LDLRAD3: variants seen among roughly 807,000 people sequenced by gnomAD.
LDLRAD3 encodes low density lipoprotein receptor class A domain containing 3.
In LDLRAD3, 20 loss-of-function variants were observed where a neutral mutation model predicts 29.4. The ratio of observed to expected loss-of-function variants is 0.68; its 90% CI spans 0.48 to 0.99. The LOEUF is 0.99. LDLRAD3 is among the 50% of genes least tolerant of loss of function. The probability of loss-of-function intolerance (pLI) is 0.00; values close to 1 mark genes in which losing one functional copy is unlikely to be tolerated. For synonymous variants in LDLRAD3, 157 were observed against 192.7 expected (o/e 0.81, Z 1.53); for missense variants, 420 against 454.3 (o/e 0.92, Z 0.69).
intron 3 of LDLRAD3, among the ~76,000 whole-genome samples, chr11:36,095,237 T>A (rs1853342235): frequency 6.6e-6 from 1 of 152,198 alleles, no homozygotes; most frequent in Non-Finnish European, 1.5e-5. Context: ...GAAGTGAAAT[T>A]CCTGGGCCAT....
intron 2 of LDLRAD3, among the ~76,000 whole-genome samples, chr11:36,050,791 G>C (rs1036973459): frequency 5.9e-5 from 9 of 152,106 alleles, no homozygotes; most frequent in African/African-American, 2.2e-4. Flanking sequence ...ACCACTAACT[G>C]GGTGGCTTAT....
intron 3 of LDLRAD3, among the ~76,000 whole-genome samples, chr11:36,083,777 CA>C (rs1253461917): frequency 0.046 from 4,941 of 106,382 alleles, 100 homozygotes; most frequent in Middle Eastern, 0.088. Context: ...CACACACACA[CA>C]CACCCCAGAA....
chr11:36,141,313 A>G lies in LDLRAD3; in HGVS notation c.454+42852A>G, dbSNP rs568779264. 1.6e-4 allele frequency among the ~76,000 whole-genome samples: 24 copies of G among 152,316 alleles called. No homozygotes were observed. The East Asian group carries it at 2.5e-3, about 16-fold the overall frequency. ...GAGTTTGCAGTGATTTACACTCTCC[A>G]TACCTTGAAGTTCATGTTCGTTTGT... On this transcript the variant is annotated intron_variant, in intron 4 of 5. Transcript: ENST00000315571.
At chr11:35,978,196 G>A (rs988689309) in intron 1 of LDLRAD3, among the ~76,000 whole-genome samples, 1 of 152,176 alleles carries the variant, frequency 6.6e-6, no homozygotes, top group Non-Finnish European at 1.5e-5. Flanking sequence ...TAACCAGGAT[G>A]TCTAATTCAC....
intron 2 of LDLRAD3, among the ~76,000 whole-genome samples, chr11:36,050,791 G>A (rs1036973459): frequency 6.6e-6 from 1 of 152,106 alleles, no homozygotes; most frequent in East Asian, 1.9e-4. Flanking sequence ...ACCACTAACT[G>A]GGTGGCTTAT....
intron 4 of LDLRAD3, among the ~76,000 whole-genome samples, chr11:36,145,769 GT>G (rs1351679111): frequency 6.6e-6 from 1 of 150,760 alleles, no homozygotes; most frequent in African/African-American, 2.5e-5. Context: ...ATTAAGGGTG[GT>G]GCAAGATGTG....
chr11:36,101,898 T>C (rs1214447709), intron 4 of LDLRAD3: 2 of 346,844 alleles, frequency 5.8e-6, no homozygotes, highest in African/African-American at 2.3e-5. Context: ...TTTTTTTTTT[T>C]TTTTTTTGAG....
chr11:36,121,467 G>A (rs565401688), intron 4 of LDLRAD3, among the ~76,000 whole-genome samples: 6 of 152,214 alleles, frequency 3.9e-5, no homozygotes, highest in South Asian at 2.1e-4. Context: ...ATGTAAGCAC[G>A]TACACCCAGG....
intron 4 of LDLRAD3, among the ~76,000 whole-genome samples, chr11:36,220,221 A>G (rs1389691789): frequency 2.0e-5 from 3 of 152,230 alleles, no homozygotes; most frequent in Admixed American, 2.0e-4. Context: ...GATGACTGAC[A>G]GTTTCATACA....
chr11:36,223,834 C>T (rs1432757888), intron 4 of LDLRAD3, among the ~76,000 whole-genome samples: 2 of 151,970 alleles, frequency 1.3e-5, no homozygotes, highest in East Asian at 1.9e-4. Flanking sequence ...AGGTGGCTCC[C>T]CCAGCTTTCT....
intron 5 of LDLRAD3, 67 bp downstream of exon 5, chr11:36,227,497 C>A: frequency 1.7e-6 from 2 of 1,205,154 alleles, no homozygotes; most frequent in Non-Finnish European, 2.3e-6. Context: ...AATAGGTGCA[C>A]ACACTGAGGT....
chr11:35,976,838 G>GTGTGTGTT (rs1225835946), intron 1 of LDLRAD3, among the ~76,000 whole-genome samples: 1 of 152,116 alleles, frequency 6.6e-6, no homozygotes, highest in Non-Finnish European at 1.5e-5. Flanking sequence ...GTGATTTAAG[G>GTGTGTGTT]TGTGTGTTTG....
chr11:36,110,464 T>G (rs1197112348), intron 4 of LDLRAD3, among the ~76,000 whole-genome samples: 1 of 152,122 alleles, frequency 6.6e-6, no homozygotes, highest in Non-Finnish European at 1.5e-5. Flanking sequence ...GGATCAGGGG[T>G]AGGGCTTGCT....
intron 4 of LDLRAD3, among the ~76,000 whole-genome samples, chr11:36,210,485 T>G (rs988996564): frequency 2.0e-5 from 3 of 152,100 alleles, no homozygotes; most frequent in Admixed American, 2.0e-4. Context: ...TATTTCCTCT[T>G]TATAGAATTG....
chr11:36,201,845 CTCT>C (rs1372786002), intron 4 of LDLRAD3, among the ~76,000 whole-genome samples: 1 of 152,208 alleles, frequency 6.6e-6, no homozygotes, highest in Non-Finnish European at 1.5e-5. Context: ...TTTTTCTCAA[CTCT>C]TCCTTTAATT....
chr11:36,079,905 A>G (rs2133255829), intron 2 of LDLRAD3, among the ~76,000 whole-genome samples: 1 of 152,358 alleles, frequency 6.6e-6, no homozygotes, highest in East Asian at 1.9e-4. Flanking sequence ...AAACTTGTCC[A>G]AAGTCATAAA....
chr11:36,142,168 C>T (rs72933540), intron 4 of LDLRAD3, among the ~76,000 whole-genome samples: 26,748 of 152,112 alleles, frequency 0.18, 2,565 homozygotes, highest in East Asian at 0.28. Flanking sequence ...CTCTGTGGAC[C>T]TCCATTTGGG....
intron 4 of LDLRAD3, among the ~76,000 whole-genome samples, chr11:36,221,604 C>G (rs1388200843): frequency 1.3e-5 from 2 of 152,118 alleles, no homozygotes; most frequent in Non-Finnish European, 2.9e-5. Context: ...AGTTCAAGAC[C>G]AGCCTGGGCA....
intron 1 of LDLRAD3, among the ~76,000 whole-genome samples, chr11:35,961,572 C>T (rs968881851): frequency 2.5e-4 from 38 of 152,136 alleles, no homozygotes; most frequent in African/African-American, 8.4e-4. Context: ...CAATCCATGC[C>T]GAGACTAGGG....
Sources: gnomAD v4.1 joint callset for allele counts (sites outside exome capture counted in the v4.1 genomes callset) on GRCh38, gnomAD v4.1.1 for gene constraint, MANE v1.5 for transcripts, NCBI Gene and HGNC (gene_info 2026-07-23, HGNC 2026-07-21) for gene names.